CCSER1: variants seen among roughly 807,000 people sequenced by gnomAD.
CCSER1 encodes the protein serine-rich coiled-coil domain-containing protein 1.
In CCSER1, 41 loss-of-function variants were observed where a neutral mutation model predicts 82.0. That is an observed-to-expected ratio of 0.50 (90% CI 0.39 to 0.65). CCSER1 has a LOEUF of 0.65. CCSER1 is among the 30% of genes least tolerant of loss of function. The pLI is 0.00. For missense variants in CCSER1, 1,119 were observed against 1,064.2 expected (o/e 1.05, Z -0.72); for synonymous variants, 414 against 383.9 (o/e 1.08, Z -0.92).
intron 5 of CCSER1, among the ~76,000 whole-genome samples, chr4:90,481,462 A>AGT (rs1765946861): frequency 6.6e-6 from 1 of 152,138 alleles, no homozygotes; most frequent in Non-Finnish European, 1.5e-5. Context: ...TTTCAAAGGG[A>AGT]ATGCTTCCAG....
chr4:91,409,829 C>G (rs1384673204), intron 10 of CCSER1, among the ~76,000 whole-genome samples: 2 of 152,066 alleles, frequency 1.3e-5, no homozygotes, highest in Non-Finnish European at 2.9e-5. Flanking sequence ...ATCACAGGCG[C>G]CTGCCACCAT....
At chr4:90,446,686 T>A (rs185490905) in intron 4 of CCSER1, among the ~76,000 whole-genome samples, 11 of 152,298 alleles carry the variant, frequency 7.2e-5, no homozygotes, top group African/African-American at 2.6e-4. Context: ...TTGAACAACA[T>A]GGGTTGGAAC....
intron 10 of CCSER1, among the ~76,000 whole-genome samples, chr4:91,215,515 G>T (rs2149091082): frequency 1.3e-5 from 2 of 152,248 alleles, no homozygotes; most frequent in South Asian, 4.1e-4. Context: ...GAAGAACTTG[G>T]AGTCCCATGT....
At chr4:90,991,474 C>T (rs947373277) in intron 9 of CCSER1, among the ~76,000 whole-genome samples, 4 of 151,918 alleles carry the variant, frequency 2.6e-5, no homozygotes, top group Admixed American at 2.0e-4. Context: ...GGTACTTCCA[C>T]GTATCCCTTG....
chr4:90,413,375 A>C (rs1755197900), intron 4 of CCSER1, among the ~76,000 whole-genome samples: 1 of 152,206 alleles, frequency 6.6e-6, no homozygotes, highest in African/African-American at 2.4e-5. Flanking sequence ...CCATACTGCT[A>C]TAAGCAATCT....
chr4:90,981,437 G>T (rs1050421913), intron 9 of CCSER1, among the ~76,000 whole-genome samples: 1 of 151,760 alleles, frequency 6.6e-6, no homozygotes, highest in African/African-American at 2.4e-5. Flanking sequence ...TCTGTTGATG[G>T]TTCATAGATA....
chr4:90,724,658 A>G (rs1334097476), intron 7 of CCSER1: 1 of 386,630 alleles, frequency 2.6e-6, no homozygotes, highest in Non-Finnish European at 5.1e-6. Context: ...TAGGATTATT[A>G]TAAATAAAAA....
At chr4:90,218,902 G>A (rs1741612024) in intron 1 of CCSER1, among the ~76,000 whole-genome samples, 1 of 152,068 alleles carries the variant, frequency 6.6e-6, no homozygotes, top group Non-Finnish European at 1.5e-5. Flanking sequence ...TAGGATGCCT[G>A]TATATGTGTT....
chr4:90,829,859 T>A (rs1028488262), intron 8 of CCSER1, among the ~76,000 whole-genome samples: 1 of 152,208 alleles, frequency 6.6e-6, no homozygotes, highest in African/African-American at 2.4e-5. Context: ...CTTTTGGAAT[T>A]GAGCACATTC....
intron 10 of CCSER1, among the ~76,000 whole-genome samples, chr4:91,262,536 G>A (rs1741270477): frequency 6.6e-6 from 1 of 151,672 alleles, no homozygotes; most frequent in Admixed American, 6.6e-5. Context: ...GAATAAGTAT[G>A]GTCTGATTAC....
rs528963641 is a variant in CCSER1, at chr4:91,333,876, TGA to T, written c.2217+247883_2217+247884del. Among the ~76,000 whole-genome samples, 459 of 152,086 alleles carry T rather than the reference TGA, an allele frequency of 3.0e-3. 3 individuals carry two copies. Among genetic ancestry groups the T allele is most frequent in the African/African-American group, 0.011 (450 of 41,514 alleles). ...TTTTTTGGATTGACTTATGTCTGAG[TGA>T]CATAAGTCAGTGTAATTCTTACATT... is the stretch of plus-strand genomic sequence containing the variant. On this transcript the variant is annotated intron_variant, in intron 10 of 10. Transcript: ENST00000509176.
chr4:90,684,633 G>A (rs1313749665), intron 6 of CCSER1, among the ~76,000 whole-genome samples: 1 of 152,154 alleles, frequency 6.6e-6, no homozygotes, highest in Non-Finnish European at 1.5e-5. Context: ...AATATAATTA[G>A]TTGTATAAGA....
At chr4:90,881,148 C>T (rs1721254684) in intron 8 of CCSER1, among the ~76,000 whole-genome samples, 1 of 151,964 alleles carries the variant, frequency 6.6e-6, no homozygotes, top group South Asian at 2.1e-4. Flanking sequence ...CATCATGTTT[C>T]TTAAAAACCT....
At chr4:91,043,518 G>T (rs17267535) in intron 9 of CCSER1, among the ~76,000 whole-genome samples, 1 of 150,270 alleles carries the variant, frequency 6.7e-6, no homozygotes, top group African/African-American at 2.5e-5. Context: ...CATATAGAGC[G>T]TCCATAAGAG....
chr4:90,272,372 A>G (rs1331902201), intron 1 of CCSER1, among the ~76,000 whole-genome samples: 5 of 152,210 alleles, frequency 3.3e-5, no homozygotes, highest in African/African-American at 1.2e-4. Flanking sequence ...ATCTCATGCC[A>G]GTTAAAATGG....
chr4:91,570,713 C>T (rs1277732819), intron 10 of CCSER1, among the ~76,000 whole-genome samples: 1 of 152,162 alleles, frequency 6.6e-6, no homozygotes, highest in African/African-American at 2.4e-5. Flanking sequence ...CCATTTTTCC[C>T]TCCTAGGCCT....
chr4:90,674,214 A>G (rs886947719), intron 6 of CCSER1, among the ~76,000 whole-genome samples: 4 of 152,010 alleles, frequency 2.6e-5, no homozygotes, highest in Non-Finnish European at 5.9e-5. Flanking sequence ...AGAGAGAATT[A>G]TGCTTCATAT....
chr4:91,590,889 TATAA>T (rs1764233252), intron 10 of CCSER1, among the ~76,000 whole-genome samples: 1 of 152,160 alleles, frequency 6.6e-6, no homozygotes, highest in Admixed American at 6.6e-5. Context: ...TCATAATGGC[TATAA>T]ATGATAAAAG....
At chr4:90,971,064 T>G (rs1735057585) in intron 9 of CCSER1, among the ~76,000 whole-genome samples, 1 of 151,548 alleles carries the variant, frequency 6.6e-6, no homozygotes, top group Non-Finnish European at 1.5e-5. Context: ...AAATAGTAAA[T>G]ATTACAGCAG....
Sources: gnomAD v4.1 joint callset for allele counts (sites outside exome capture counted in the v4.1 genomes callset) on GRCh38, gnomAD v4.1.1 for gene constraint, MANE v1.5 for transcripts, NCBI Gene and HGNC (gene_info 2026-07-23, HGNC 2026-07-21) for gene names.